Variants in NYAP2 observed in about 807,000 individuals in gnomAD.
NYAP2 encodes the protein neuronal tyrosine-phosphorylated phosphoinositide-3-kinase adaptor 2, also known as neuronal tyrosine-phosphorylated phosphoinositide-3-kinase adapter 2.
In NYAP2, 23 loss-of-function variants were observed where a neutral mutation model predicts 50.4. That is an observed-to-expected ratio of 0.46 (90% CI 0.33 to 0.65). The LOEUF (loss-of-function observed/expected upper bound fraction) is 0.65. NYAP2 is among the 30% of genes least tolerant of loss of function. The pLI, the probability that NYAP2 is intolerant of heterozygous loss-of-function variation, is 0.02. For missense variants in NYAP2, 885 were observed against 861.0 expected, an observed-to-expected ratio of 1.03 and a Z score of -0.35; for synonymous variants, 394 against 365.2, an observed-to-expected ratio of 1.08 and a Z score of -0.90.
chr2:225,686,642 G>A, the NYAP2 span, among the ~76,000 whole-genome samples: 1 of 152,256 alleles, frequency 6.6e-6, no homozygotes, highest in Non-Finnish European at 1.5e-5. Context: ...TACCTTTAGA[G>A]GGACTTCTTT....
Position 225,528,020 on chromosome 2 carries a change from C to T in NYAP2, c.523+14348C>T, listed in dbSNP as rs370072415. Among the ~76,000 whole-genome samples, 22 of 152,260 alleles carry T rather than the reference C, an allele frequency of 1.4e-4. No homozygotes were observed. The East Asian group carries it at 2.5e-3, about 17-fold the overall frequency. ...TATAACTGGAAAATCGCTTCACCTT[C>T]TTCCATAATCCCTAACTTAATCAAA... is the stretch of plus-strand genomic sequence containing the variant. On this transcript the variant is annotated intron_variant, in intron 4 of 6. Transcript: ENST00000636099.
At chr2:225,668,956 C>CTTTTTTTTTTT in the NYAP2 span, among the ~76,000 whole-genome samples, 2 of 69,524 alleles carry the variant, frequency 2.9e-5, no homozygotes, top group African/African-American at 1.2e-4. Context: ...GTGTCCCCTG[C>CTTTTTTTTTTT]TTTTTTTTTT....
chr2:225,504,070 A>ACAG (rs1200680672), intron 3 of NYAP2, among the ~76,000 whole-genome samples: 1 of 152,196 alleles, frequency 6.6e-6, no homozygotes, highest in African/African-American at 2.4e-5. Flanking sequence ...AGAGTTAGGT[A>ACAG]AGTCAGGAAG....
chr2:225,434,461 A>C (rs1359934620), intron 3 of NYAP2, among the ~76,000 whole-genome samples: 1 of 152,222 alleles, frequency 6.6e-6, no homozygotes, highest in African/African-American at 2.4e-5. Flanking sequence ...GAGGCTTGAA[A>C]ATTAATTCTT....
intron 4 of NYAP2, among the ~76,000 whole-genome samples, chr2:225,525,099 T>C (rs982156902): frequency 1.3e-5 from 2 of 152,136 alleles, no homozygotes; most frequent in African/African-American, 4.8e-5. Flanking sequence ...TTGGCAAAGA[T>C]GCAAAGAAAA....
At chr2:225,440,453 A>C (rs532412477) in intron 3 of NYAP2, among the ~76,000 whole-genome samples, 1 of 152,230 alleles carries the variant, frequency 6.6e-6, no homozygotes, top group African/African-American at 2.4e-5. Flanking sequence ...ACAAAAAGCA[A>C]AACAAAACAA....
intron 4 of NYAP2, among the ~76,000 whole-genome samples, chr2:225,544,511 AT>A (rs1691534887): frequency 6.6e-6 from 1 of 152,066 alleles, no homozygotes; most frequent in South Asian, 2.1e-4. Flanking sequence ...GACAAAACTA[AT>A]TGGATAAATG....
At chr2:225,577,820 TTA>T (rs869212057) in intron 4 of NYAP2, among the ~76,000 whole-genome samples, 6 of 151,182 alleles carry the variant, frequency 4.0e-5, no homozygotes, top group African/African-American at 1.2e-4. Context: ...TTTTTTTTTT[TTA>T]AAAAAAGAAG....
intron 5 of NYAP2, among the ~76,000 whole-genome samples, chr2:225,591,897 T>C (rs1692513152): frequency 6.6e-6 from 1 of 152,122 alleles, no homozygotes; most frequent in Non-Finnish European, 1.5e-5. Flanking sequence ...GGCATCAATT[T>C]AGGAAGGGGG....
intron 3 of NYAP2, among the ~76,000 whole-genome samples, chr2:225,430,529 C>T (rs1695350626): frequency 6.6e-6 from 1 of 152,184 alleles, no homozygotes; most frequent in South Asian, 2.1e-4. Context: ...ATCTACCACA[C>T]ACTGACAAAG....
chr2:225,463,883 T>A (rs1036244557), intron 3 of NYAP2, among the ~76,000 whole-genome samples: 1 of 147,470 alleles, frequency 6.8e-6, no homozygotes, highest in African/African-American at 2.6e-5. Flanking sequence ...GGGGCAGCTG[T>A]GGAGTTCATC....
intron 3 of NYAP2, among the ~76,000 whole-genome samples, chr2:225,452,762 C>T (rs762909714): frequency 1.3e-5 from 2 of 152,136 alleles, no homozygotes; most frequent in African/African-American, 2.4e-5. Context: ...TCCACTAATG[C>T]AGTCATGCAC....
chr2:225,622,518 C>CT (rs149175182), intron 5 of NYAP2, among the ~76,000 whole-genome samples: 20,830 of 69,596 alleles, frequency 0.3, 2,273 homozygotes, highest in Non-Finnish European at 0.37. Context: ...TTCTTTCTTT[C>CT]TTCTTTCTTT....
chr2:225,564,320 C>T (rs1691925129), intron 4 of NYAP2, among the ~76,000 whole-genome samples: 1 of 151,538 alleles, frequency 6.6e-6, no homozygotes, highest in Non-Finnish European at 1.5e-5. Flanking sequence ...GCCTTGAGTT[C>T]AAAAGTCAAG....
At chr2:225,483,722 T>C (rs186818380) in intron 3 of NYAP2, among the ~76,000 whole-genome samples, 3 of 152,348 alleles carry the variant, frequency 2.0e-5, no homozygotes, top group Admixed American at 6.5e-5. Flanking sequence ...TTGTTTATAT[T>C]TGAGTCCCAA....
chr2:225,656,123 G>C (rs1050388929), downstream of NYAP2, among the ~76,000 whole-genome samples: 12 of 152,060 alleles, frequency 7.9e-5, no homozygotes, highest in African/African-American at 2.4e-4. Context: ...CCTTGATTTG[G>C]GGGAGGGAGG....
At chr2:225,542,961 C>A (rs892148787) in intron 4 of NYAP2, among the ~76,000 whole-genome samples, 17 of 151,914 alleles carry the variant, frequency 1.1e-4, no homozygotes, top group Non-Finnish European at 2.4e-4. Flanking sequence ...TTCGTCTGTT[C>A]AGTTTTTGAA....
intron 5 of NYAP2, among the ~76,000 whole-genome samples, chr2:225,599,782 A>G (rs1431075): frequency 0.51 from 77,808 of 152,144 alleles, 20,478 homozygotes; most frequent in South Asian, 0.67. Flanking sequence ...AAAAGCATCA[A>G]TGTTTAAGAT....
intron 5 of NYAP2, among the ~76,000 whole-genome samples, chr2:225,609,997 G>A (rs576519984): frequency 1.4e-3 from 213 of 152,220 alleles, no homozygotes; most frequent in Non-Finnish European, 1.8e-3. Context: ...CTCATTGTGC[G>A]TTGGTTTCTT....
Sources: allele counts gnomAD v4.1 joint callset (sites outside exome capture counted in the v4.1 genomes callset), GRCh38; gene constraint gnomAD v4.1.1; transcripts MANE v1.5; gene names NCBI Gene and HGNC (gene_info 2026-07-23, HGNC 2026-07-21).